TMEM232: variants seen among roughly 807,000 people sequenced by gnomAD.
The protein encoded by TMEM232 is transmembrane protein 232.
Under a neutral mutation model 78.8 loss-of-function variants are expected in TMEM232, and 80 were observed. That is an observed-to-expected ratio of 1.01 (90% CI 0.85 to 1.22). The LOEUF (loss-of-function observed/expected upper bound fraction) is 1.22, where lower values mean the gene tolerates loss of function less well. Among genes scored for constraint, TMEM232 ranks in the 50% most tolerant of loss-of-function variants. The pLI is 0.00. For synonymous variants in TMEM232, 297 were observed against 254.3 expected (o/e 1.17, Z -1.60); for missense variants, 881 against 742.2 (o/e 1.19, Z -2.17).
At chr5:110,556,291 C>T (rs1775066997) in intron 11 of TMEM232, among the ~76,000 whole-genome samples, 1 of 151,642 alleles carries the variant, frequency 6.6e-6, no homozygotes, top group South Asian at 2.1e-4. Context: ...CCTTCCTTCC[C>T]TTCCTTCTCC....
At chr5:110,519,584 A>G (rs1554097320) in intron 12 of TMEM232, among the ~76,000 whole-genome samples, 1 of 152,042 alleles carries the variant, frequency 6.6e-6, no homozygotes, top group Non-Finnish European at 1.5e-5. Context: ...AAAAACAAAA[A>G]CAAAACCACT....
At chr5:110,531,925 C>T (rs535452801) in intron 11 of TMEM232, among the ~76,000 whole-genome samples, 85 of 152,248 alleles carry the variant, frequency 5.6e-4, no homozygotes, top group African/African-American at 2.0e-3. Context: ...AAATTCTGAC[C>T]CTCAAACTCC....
chr5:110,568,486 CT>C lies in TMEM232; in HGVS notation c.1415del (p.Glu472GlyfsTer12). The C allele has an allele frequency of 6.5e-7, 1 of 1,548,514 alleles. No homozygotes were observed. The highest frequency in any genetic ancestry group is 8.7e-7 in the Non-Finnish European group (1 of 1,145,356). On this transcript the variant is annotated frameshift_variant, in exon 11 of 14. Coordinates refer to ENST00000455884, the MANE Select transcript of TMEM232 (RefSeq NM_001039763.4). LOFTEE classifies it high-confidence loss of function. ...TTGCATTTTGGATTCGTACATCTTC[CT>C]CATAATCCTTTGTTTTCTGCAATGT... Reference protein sequence around the residue: ...WQTLQKTKDYEEDVRIQNAIN... With the variant: ...WQTLQKTKDYXEDVRIQNAIN...
At chr5:110,667,180 T>G in intron 2 of TMEM232, 48 bp downstream of exon 2, 2 of 1,407,316 alleles carry the variant, frequency 1.4e-6, no homozygotes, top group Non-Finnish European at 1.9e-6. Flanking sequence ...CTATATTTTC[T>G]AAATTCTCTA....
chr5:110,455,836 AAAAG>A (rs1760840939), intron 12 of TMEM232, among the ~76,000 whole-genome samples: 2 of 152,352 alleles, frequency 1.3e-5, no homozygotes, highest in African/African-American at 4.8e-5. Flanking sequence ...ACATCACTAA[AAAAG>A]AAAAACCGTT....
chr5:110,506,389 C>G (rs1412408964), intron 12 of TMEM232, among the ~76,000 whole-genome samples: 2 of 151,946 alleles, frequency 1.3e-5, no homozygotes, highest in African/African-American at 4.8e-5. Context: ...TTAATTTCAC[C>G]CTTCACCATT....
At chr5:110,607,745 G>A (rs1469802629) in intron 8 of TMEM232, among the ~76,000 whole-genome samples, 2 of 151,924 alleles carry the variant, frequency 1.3e-5, no homozygotes, top group Non-Finnish European at 2.9e-5. Context: ...TTCCAGGTAA[G>A]CTATTATTTT....
At chr5:110,667,139 G>A (rs906513176) in intron 2 of TMEM232, 89 bp downstream of exon 2, 1 of 1,069,728 alleles carries the variant, frequency 9.3e-7, no homozygotes, top group African/African-American at 1.7e-5. Context: ...TTTGGTTAGA[G>A]AACTATGGGT....
chr5:110,504,768 A>C (rs1332112064), intron 12 of TMEM232, among the ~76,000 whole-genome samples: 1 of 152,218 alleles, frequency 6.6e-6, no homozygotes, highest in Non-Finnish European at 1.5e-5. Flanking sequence ...CACCCAAATT[A>C]GGAAGGGCAA....
chr5:110,591,197 C>T (rs1372923577), intron 10 of TMEM232, among the ~76,000 whole-genome samples: 2 of 152,124 alleles, frequency 1.3e-5, no homozygotes, highest in African/African-American at 4.8e-5. Context: ...GTGTCTCACG[C>T]CTACAATCTC....
At chr5:110,457,894 T>G (rs1761067529) in intron 12 of TMEM232, among the ~76,000 whole-genome samples, 1 of 152,102 alleles carries the variant, frequency 6.6e-6, no homozygotes. Context: ...ATGATGTATA[T>G]TCATGTATAT....
chr5:110,426,924 A>AT (rs1373173840), intron 12 of TMEM232, among the ~76,000 whole-genome samples: 1 of 152,028 alleles, frequency 6.6e-6, no homozygotes, highest in African/African-American at 2.4e-5. Context: ...ATTGCCTAAA[A>AT]TTTTTTCTTG....
chr5:110,488,876 T>G (rs1764737834), intron 12 of TMEM232, among the ~76,000 whole-genome samples: 3 of 149,016 alleles, frequency 2.0e-5, no homozygotes, highest in South Asian at 2.1e-4. Context: ...AGAGGAAACA[T>G]TACTACTAAC....
At chr5:110,485,084 A>T (rs1580876739) in intron 12 of TMEM232, among the ~76,000 whole-genome samples, 1 of 152,198 alleles carries the variant, frequency 6.6e-6, no homozygotes, top group Non-Finnish European at 1.5e-5. Context: ...GAGATTCCTT[A>T]AAGAACTAAA....
At chr5:110,697,745 G>A (rs1277431054) in intron 1 of TMEM232, among the ~76,000 whole-genome samples, 1 of 152,168 alleles carries the variant, frequency 6.6e-6, no homozygotes, top group African/African-American at 2.4e-5. Context: ...AAACCGCAAT[G>A]AGATACCATC....
At chr5:110,409,666 A>G (rs576709206) in intron 2 of TMEM232, among the ~76,000 whole-genome samples, 1 of 151,380 alleles carries the variant, frequency 6.6e-6, no homozygotes, top group South Asian at 2.1e-4. Flanking sequence ...CTGTTCCCCC[A>G]TCTGTTGAGT....
chr5:110,733,618 T>C (rs910518195), intron 2 of TMEM232, among the ~76,000 whole-genome samples: 1 of 151,590 alleles, frequency 6.6e-6, no homozygotes, highest in African/African-American at 2.4e-5. Context: ...CACTTATAAG[T>C]GGAAGCTAAA....
intron 2 of TMEM232, among the ~76,000 whole-genome samples, chr5:110,410,352 T>G (rs1013723347): frequency 6.6e-6 from 1 of 152,232 alleles, no homozygotes; most frequent in Non-Finnish European, 1.5e-5. Context: ...TCTCTCACTT[T>G]CCACAAATGT....
intron 12 of TMEM232, among the ~76,000 whole-genome samples, chr5:110,495,909 C>T (rs1350911275): frequency 6.6e-6 from 1 of 150,898 alleles, no homozygotes; most frequent in African/African-American, 2.4e-5. Context: ...ACTTGCTTTG[C>T]TAGTAAAGAA....
Sources: gnomAD v4.1 joint callset for allele counts (sites outside exome capture counted in the v4.1 genomes callset) on GRCh38, gnomAD v4.1.1 for gene constraint, MANE v1.5 for transcripts, NCBI Gene and HGNC (gene_info 2026-07-23, HGNC 2026-07-21) for gene names.